Variants in EYA2 observed in about 807,000 individuals in gnomAD.
EYA2 encodes protein phosphatase EYA2.
EYA2 carries 31 observed loss-of-function variants against 69.2 expected under a neutral mutation model. The observed-to-expected ratio is 0.45, with a 90% CI of 0.34 to 0.60. The LOEUF (loss-of-function observed/expected upper bound fraction) is 0.60, where lower values mean the gene tolerates loss of function less well. EYA2 is among the 20% of genes least tolerant of loss of function. EYA2 has a pLI of 0.02. For missense variants in EYA2, 622 were observed against 701.2 expected, an observed-to-expected ratio of 0.89 and a Z score of 1.28; for synonymous variants, 257 against 279.4, an observed-to-expected ratio of 0.92 and a Z score of 0.80.
chr20:47,093,345 T>A (rs1005739185), intron 8 of EYA2, among the ~76,000 whole-genome samples: 1 of 151,770 alleles, frequency 6.6e-6, no homozygotes, highest in Admixed American at 6.6e-5. Flanking sequence ...CCGAGGGGAG[T>A]GGGTGGATGG....
At chr20:47,042,237 A>G (rs928868121) in intron 5 of EYA2, among the ~76,000 whole-genome samples, 3 of 152,204 alleles carry the variant, frequency 2.0e-5, no homozygotes, top group African/African-American at 7.2e-5. Context: ...GGCAAGGGTC[A>G]GTGATAGGTG....
At chr20:46,923,096 G>A (rs888480463) in intron 1 of EYA2, among the ~76,000 whole-genome samples, 2 of 152,204 alleles carry the variant, frequency 1.3e-5, no homozygotes, top group African/African-American at 4.8e-5. Flanking sequence ...GGCCGGGCAC[G>A]GTGGCTAGTG....
chr20:47,011,508 C>G (rs912125089), intron 4 of EYA2, among the ~76,000 whole-genome samples: 3 of 152,198 alleles, frequency 2.0e-5, no homozygotes, highest in African/African-American at 4.8e-5. Flanking sequence ...CACTCACCCT[C>G]TCCCCAACCC....
rs146595265 is a variant in EYA2 at position 47,088,939 on chromosome 20, T to C, written c.662-300T>C. Among the ~76,000 whole-genome samples, 50 of 152,314 alleles carry C rather than the reference T, an allele frequency of 3.3e-4. No homozygotes were observed. The East Asian group carries it at 9.3e-3, about 28-fold the overall frequency. On this transcript the variant is annotated intron_variant, in intron 7 of 15. Coordinates refer to ENST00000327619, the MANE Select transcript of EYA2 (RefSeq NM_005244.5). ...GGCTTGGTGTATGCTTACTTGTCGA[T>C]GTGTCTGATGACTGTCTCCTCTCAC...
intron 12 of EYA2, among the ~76,000 whole-genome samples, chr20:47,174,668 GT>G (rs1306135653): frequency 2.0e-5 from 3 of 152,366 alleles, no homozygotes; most frequent in South Asian, 2.1e-4. Flanking sequence ...CGCTCTGCCA[GT>G]TTTGCCACCG....
At chr20:47,001,346 T>C (rs1220413896) in intron 2 of EYA2, 82 bp from the exon 3 acceptor site, 13 of 1,222,358 alleles carry the variant, frequency 1.1e-5, no homozygotes, top group Middle Eastern at 1.9e-4. Context: ...TGCTCCTGCT[T>C]AAGTGGTGTC....
At chr20:47,126,871 C>A (rs1487016252) in intron 9 of EYA2, among the ~76,000 whole-genome samples, 1 of 152,174 alleles carries the variant, frequency 6.6e-6, no homozygotes, top group African/African-American at 2.4e-5. Context: ...TCCTACAACC[C>A]ACAGGATGGA....
chr20:47,149,223 G>A (rs2033769535), intron 10 of EYA2, among the ~76,000 whole-genome samples: 2 of 152,108 alleles, frequency 1.3e-5, no homozygotes, highest in Non-Finnish European at 2.9e-5. Flanking sequence ...TTCAGCAAGG[G>A]GACATTTAGT....
chr20:47,088,561 C>T (rs1028976888), intron 7 of EYA2, among the ~76,000 whole-genome samples: 2 of 152,124 alleles, frequency 1.3e-5, no homozygotes, highest in African/African-American at 2.4e-5. Flanking sequence ...CAGCCCTCCC[C>T]GCTGCCCCAC....
intron 1 of EYA2, among the ~76,000 whole-genome samples, chr20:46,915,011 TCTA>T (rs1169536307): frequency 3.9e-5 from 6 of 152,336 alleles, no homozygotes; most frequent in Admixed American, 1.3e-4. Context: ...TTTTCTTTTC[TCTA>T]CCGGAGATGG....
chr20:46,921,061 G>T (rs550593392), intron 1 of EYA2, among the ~76,000 whole-genome samples: 2 of 152,292 alleles, frequency 1.3e-5, no homozygotes, highest in East Asian at 3.9e-4. Context: ...CTTCTTCCAG[G>T]CTTGGAGGCT....
At chr20:46,940,944 C>T (rs1277315997) in intron 1 of EYA2, among the ~76,000 whole-genome samples, 2 of 152,238 alleles carry the variant, frequency 1.3e-5, no homozygotes, top group African/African-American at 2.4e-5. Flanking sequence ...CTGACTCCAT[C>T]TGTCTCGCCA....
chr20:46,955,479 T>G (rs1200314201), intron 1 of EYA2, among the ~76,000 whole-genome samples: 1 of 152,250 alleles, frequency 6.6e-6, no homozygotes, highest in Non-Finnish European at 1.5e-5. Flanking sequence ...TTTCCTTTTT[T>G]GGTTTCATTT....
At chr20:47,089,217 A>T in intron 7 of EYA2, 22 bp from the exon 8 acceptor site, 1 of 1,612,156 alleles carries the variant, frequency 6.2e-7, no homozygotes, top group Non-Finnish European at 8.5e-7. Context: ...TGATTTGTCC[A>T]CCATTCCCTT....
At chr20:46,964,681 C>G (rs1413339585) in intron 1 of EYA2, among the ~76,000 whole-genome samples, 1 of 152,200 alleles carries the variant, frequency 6.6e-6, no homozygotes, top group East Asian at 1.9e-4. Flanking sequence ...TCAGAACAAC[C>G]CCATTGGTAA....
At chr20:46,939,433 A>G (rs75193345) in intron 1 of EYA2, among the ~76,000 whole-genome samples, 4 of 152,066 alleles carry the variant, frequency 2.6e-5, no homozygotes, top group Non-Finnish European at 4.4e-5. Context: ...TAATGACTTT[A>G]TTTTTATTTT....
intron 1 of EYA2, among the ~76,000 whole-genome samples, chr20:46,977,853 G>A (rs1980554788): frequency 6.6e-6 from 1 of 152,220 alleles, no homozygotes; most frequent in African/African-American, 2.4e-5. Context: ...GGTGTGGACA[G>A]GAGGAGGGAT....
At chr20:47,056,969 C>T (rs982302375) in intron 5 of EYA2, among the ~76,000 whole-genome samples, 8 of 148,824 alleles carry the variant, frequency 5.4e-5, no homozygotes, top group Non-Finnish European at 1.0e-4. Flanking sequence ...CGCCTGAGCC[C>T]GGGGAGGTTG....
intron 1 of EYA2, among the ~76,000 whole-genome samples, chr20:46,904,805 G>T (rs1452912364): frequency 6.6e-6 from 1 of 152,162 alleles, no homozygotes. Context: ...TAACATTGTA[G>T]TCTTCACCAG....
Sources: allele counts gnomAD v4.1 joint callset (sites outside exome capture counted in the v4.1 genomes callset), GRCh38; gene constraint gnomAD v4.1.1; transcripts MANE v1.5; gene names NCBI Gene and HGNC (gene_info 2026-07-23, HGNC 2026-07-21).